IKZF2: variants seen among roughly 807,000 people sequenced by gnomAD.
IKZF2 encodes the protein IKAROS family zinc finger 2, also known as zinc finger protein Helios.
In IKZF2, 15 loss-of-function variants were observed where a neutral mutation model predicts 49.2. That is an observed-to-expected ratio of 0.30 (90% CI 0.20 to 0.47). IKZF2 has a LOEUF of 0.47. Among genes scored for constraint, IKZF2 ranks in the 20% least tolerant of loss-of-function variants. The probability of loss-of-function intolerance (pLI) is 1.00; values close to 1 mark genes in which losing one functional copy is unlikely to be tolerated. For missense variants in IKZF2, 567 were observed against 664.6 expected, an observed-to-expected ratio of 0.85 and a Z score of 1.61; for synonymous variants, 227 against 221.4, an observed-to-expected ratio of 1.03 and a Z score of -0.23.
intron 4 of IKZF2, among the ~76,000 whole-genome samples, chr2:213,086,851 T>C (rs937297134): frequency 1.3e-5 from 2 of 152,060 alleles, no homozygotes; most frequent in African/African-American, 4.8e-5. Flanking sequence ...TTATTAACTA[T>C]TATGCTGATG....
At chr2:213,075,692 A>C (rs1351327433) in intron 4 of IKZF2, among the ~76,000 whole-genome samples, 1 of 152,176 alleles carries the variant, frequency 6.6e-6, no homozygotes, top group Non-Finnish European at 1.5e-5. Flanking sequence ...TAATTGATAT[A>C]TACTGACACA....
chr2:213,014,772 A>G (rs1053407413), intron 7 of IKZF2: 1 of 152,012 alleles, frequency 6.6e-6, no homozygotes, highest in African/African-American at 2.4e-5. Context: ...ATACTGCCCA[A>G]GGATGTTTAA....
chr2:213,084,542 A>G (rs1036032439), intron 4 of IKZF2, among the ~76,000 whole-genome samples: 1 of 152,104 alleles, frequency 6.6e-6, no homozygotes, highest in African/African-American at 2.4e-5. Flanking sequence ...AAGGTCTACA[A>G]AAAGGTTTCT....
chr2:213,098,048 TC>T, intron 4 of IKZF2: 2 of 224,182 alleles, frequency 8.9e-6, no homozygotes, highest in Non-Finnish European at 9.5e-6. Flanking sequence ...AGAAGTTAGG[TC>T]AGTGATATCA....
intron 7 of IKZF2, chr2:213,021,609 T>C (rs764305190): frequency 2.8e-6 from 1 of 354,774 alleles, no homozygotes; most frequent in African/African-American, 2.2e-5. Flanking sequence ...AAGGGCCGAT[T>C]GGAGAAATTT....
At chr2:213,099,807 A>G (rs1706446174) in intron 4 of IKZF2, among the ~76,000 whole-genome samples, 1 of 152,130 alleles carries the variant, frequency 6.6e-6, no homozygotes, top group Admixed American at 6.6e-5. Flanking sequence ...AAATGAGGGT[A>G]ATAAGGAACC....
intron 6 of IKZF2, among the ~76,000 whole-genome samples, chr2:213,028,658 T>C (rs1360895645): frequency 6.6e-6 from 1 of 152,174 alleles, no homozygotes; most frequent in Non-Finnish European, 1.5e-5. Flanking sequence ...TAAATTCCAA[T>C]GTCCAACTGT....
At chr2:213,009,107 G>A (rs1264488099) in intron 8 of IKZF2, among the ~76,000 whole-genome samples, 4 of 151,990 alleles carry the variant, frequency 2.6e-5, no homozygotes, top group Non-Finnish European at 4.4e-5. Context: ...TTAGACATGT[G>A]TATGTGATAG....
intron 4 of IKZF2, among the ~76,000 whole-genome samples, chr2:213,136,668 C>A (rs2125924904): frequency 6.6e-6 from 1 of 152,094 alleles, no homozygotes; most frequent in Admixed American, 6.5e-5. Flanking sequence ...ATTCATTGGT[C>A]TTTTCTTTAA....
intron 4 of IKZF2, among the ~76,000 whole-genome samples, chr2:213,106,343 CG>C (rs539327359): frequency 1.1e-3 from 167 of 149,566 alleles, no homozygotes; most frequent in African/African-American, 4.0e-3. Context: ...ACTACTCTTA[CG>C]AAAAAAAAAA....
chr2:213,147,234 C>T (rs1575006144), intron 4 of IKZF2: 1 of 196,502 alleles, frequency 5.1e-6, no homozygotes, highest in African/African-American at 2.3e-5. Flanking sequence ...TTCAATTACA[C>T]TTCACTTCCA....
intron 8 of IKZF2, among the ~76,000 whole-genome samples, chr2:213,012,929 T>C (rs1696131931): frequency 1.3e-5 from 2 of 152,050 alleles, no homozygotes; most frequent in Admixed American, 6.6e-5. Context: ...ATTCTTTTTA[T>C]TGAATCTCTA....
At chr2:213,145,060 C>A (rs993071000) in intron 4 of IKZF2, among the ~76,000 whole-genome samples, 1 of 151,582 alleles carries the variant, frequency 6.6e-6, no homozygotes, top group Non-Finnish European at 1.5e-5. Context: ...TACCAAATAG[C>A]TTAAACAAAT....
intron 4 of IKZF2, among the ~76,000 whole-genome samples, chr2:213,089,971 C>G (rs1232663921): frequency 6.6e-6 from 1 of 152,088 alleles, no homozygotes; most frequent in Non-Finnish European, 1.5e-5. Context: ...TCTTTAAGGC[C>G]CAGACAATAC....
intron 4 of IKZF2, among the ~76,000 whole-genome samples, chr2:213,114,467 T>C (rs995998765): frequency 6.6e-6 from 1 of 152,144 alleles, no homozygotes; most frequent in Non-Finnish European, 1.5e-5. Flanking sequence ...TAATTGGCCA[T>C]GTGATGTATG....
intron 4 of IKZF2, among the ~76,000 whole-genome samples, chr2:213,084,564 T>C (rs1048882143): frequency 3.3e-5 from 5 of 150,382 alleles, no homozygotes; most frequent in African/African-American, 1.2e-4. Flanking sequence ...AAAAAAATCA[T>C]AAGATGATAA....
chr2:213,042,819 C>G (rs955449496), intron 6 of IKZF2, among the ~76,000 whole-genome samples: 1 of 151,900 alleles, frequency 6.6e-6, no homozygotes, highest in Non-Finnish European at 1.5e-5. Flanking sequence ...CCAAATTTCT[C>G]ACTGAAAGAA....
At chr2:213,021,154 G>A (rs1697164625) in intron 7 of IKZF2, among the ~76,000 whole-genome samples, 1 of 151,830 alleles carries the variant, frequency 6.6e-6, no homozygotes, top group Non-Finnish European at 1.5e-5. Flanking sequence ...CAGAGGTTGT[G>A]GTGAGCTGAG....
At chr2:213,060,478 G>GGT (rs2125408794) in intron 4 of IKZF2, among the ~76,000 whole-genome samples, 1 of 151,196 alleles carries the variant, frequency 6.6e-6, no homozygotes, top group Admixed American at 6.6e-5. Flanking sequence ...TTTACAATTT[G>GGT]GTAACACAAA....
Sources: allele counts gnomAD v4.1 joint callset (sites outside exome capture counted in the v4.1 genomes callset), GRCh38; gene constraint gnomAD v4.1.1; transcripts MANE v1.5; gene names NCBI Gene and HGNC (gene_info 2026-07-23, HGNC 2026-07-21).